Variants in SYMPK observed in about 807,000 individuals in gnomAD.
The protein encoded by SYMPK is symplekin scaffold protein, also known as symplekin.
SYMPK carries 49 observed loss-of-function variants against 136.4 expected under a neutral mutation model. The ratio of observed to expected loss-of-function variants is 0.36; its 90% CI spans 0.29 to 0.46. SYMPK has a LOEUF of 0.46. SYMPK is among the 20% of genes least tolerant of loss of function. The pLI, the probability that SYMPK is intolerant of heterozygous loss-of-function variation, is 1.00. For missense variants in SYMPK, 1,365 were observed against 1,690.0 expected (o/e 0.81, Z 3.37); for synonymous variants, 766 against 713.0 (o/e 1.07, Z -1.19).
At chr19:45,828,078 CA>C in intron 14 of SYMPK, 160 bp from the exon 15 acceptor site, 1 of 616,946 alleles carries the variant, frequency 1.6e-6, no homozygotes, top group Non-Finnish European at 2.9e-6. Context: ...GAACAGGGTT[CA>C]AAAGCTGGCG....
chr19:45,843,942 CAAAAAAAAAAAAAAAAA>C, intron 8 of SYMPK, 71 bp downstream of exon 8: 1 of 243,556 alleles, frequency 4.1e-6, no homozygotes, highest in South Asian at 9.0e-5. Context: ...GACTCTGTCT[CAAAAAAAAAAAAAAAAA>C]AAAAAAAAAA....
At chr19:45,854,055 T>C (rs11670136) in intron 3 of SYMPK, 120 bp downstream of exon 3, 346,272 of 946,680 alleles carry the variant, frequency 0.37, 66,450 homozygotes, top group East Asian at 0.6. Flanking sequence ...CACTGAGCAC[T>C]GTGGCCGGCA....
chr19:45,815,524 A>G lies in SYMPK; in HGVS notation c.*36T>C. On this transcript the variant is annotated 3_prime_UTR_variant, in exon 27 of 27. Transcript: ENST00000245934. ...AGCCCCGCCCCGTCCCCCAGCCCCGAGTCCCTGTCCCACCCCCTTTCCCCC... is the reference window on the plus strand; with the variant it reads ...AGCCCCGCCCCGTCCCCCAGCCCCGGGTCCCTGTCCCACCCCCTTTCCCCC... 1 of 814,526 alleles carries G rather than the reference A, an allele frequency of 1.2e-6. No homozygotes were observed. Among genetic ancestry groups the G allele is most frequent in the Non-Finnish European group, 1.8e-6 (1 of 558,950 alleles). 50.5% of individuals were successfully genotyped at this position (814,526 alleles called of 1,614,324 possible).
intron 23 of SYMPK, 111 bp downstream of exon 23, chr19:45,817,848 C>G (rs1430125571): frequency 2.6e-6 from 3 of 1,141,454 alleles, no homozygotes; most frequent in Non-Finnish European, 3.7e-6. Flanking sequence ...CAGAGCAGAG[C>G]CTGCTGTCCT....
rs114061915 is a variant in SYMPK at position 45,842,633 on chromosome 19, T to C, written c.848-144A>G. On this transcript the variant is annotated intron_variant, in intron 8 of 26. Coordinates refer to ENST00000245934, the MANE Select transcript of SYMPK (RefSeq NM_004819.3). ...TCACCCTCAGATCTAACGTGTGGCT[T>C]TCCGCCTTACAAGCTGATGCTTCAA... The C allele has an allele frequency of 5.7e-3, 6,470 of 1,142,482 alleles. 266 individuals carry two copies. The African/African-American group carries it at 0.087, about 15-fold the overall frequency. The allele number at this position is 1,142,482 out of a possible 1,614,324, so 70.8% of individuals were successfully genotyped here.
chr19:45,842,678 G>T, intron 8 of SYMPK, 189 bp from the exon 9 acceptor site: 1 of 674,762 alleles, frequency 1.5e-6, no homozygotes, highest in Non-Finnish European at 2.4e-6. Context: ...GTCTCCATCA[G>T]TATCAGTCAA....
In SYMPK at chr19:45,821,728, G is replaced by A. The variant is rs77063121; in HGVS notation, c.2792-243C>T. 0.011 allele frequency among the ~76,000 whole-genome samples: 1,690 copies of A among 152,346 alleles called. 19 individuals carry two copies. Among genetic ancestry groups the A allele is most frequent in the Non-Finnish European group, 0.018 (1,236 of 68,022 alleles). On this transcript the variant is annotated intron_variant, in intron 21 of 26. Transcript: ENST00000245934. The surrounding 1 kb of genome is among the most constrained non-coding windows in gnomAD (Gnocchi z 4.4). ...ATCCTGGGCTCCCACCCTGGGTAGC[G>A]TGTGGCACGGCTGGGTCTCTCTGCC...
chr19:45,819,767 T>C (rs1024220930), intron 22 of SYMPK: 1 of 152,578 alleles, frequency 6.6e-6, no homozygotes, highest in South Asian at 2.1e-4. Flanking sequence ...GGTCTAGTTA[T>C]AGACAAGCTC....
chr19:45,849,417 AT>A (rs1971645584), intron 5 of SYMPK, among the ~76,000 whole-genome samples: 2 of 152,202 alleles, frequency 1.3e-5, no homozygotes, highest in Non-Finnish European at 2.9e-5. Context: ...CAGCAGGGTC[AT>A]TTTCATTGAA....
chr19:45,842,617 G>A, intron 8 of SYMPK, 128 bp from the exon 9 acceptor site: 1 of 1,340,482 alleles, frequency 7.5e-7, no homozygotes, highest in Non-Finnish European at 1.0e-6. Flanking sequence ...TTCACCCTCA[G>A]ATCTAACGTG....
intron 9 of SYMPK, among the ~76,000 whole-genome samples, chr19:45,840,780 C>T (rs1971416408): frequency 6.6e-6 from 1 of 151,378 alleles, no homozygotes; most frequent in South Asian, 2.1e-4. Context: ...GAGACAGAGG[C>T]TGCAGTGAGC....
chr19:45,832,255 C>A (rs1447909501), intron 11 of SYMPK, among the ~76,000 whole-genome samples: 1 of 152,186 alleles, frequency 6.6e-6, no homozygotes, highest in East Asian at 1.9e-4. Context: ...CATTTTCCCA[C>A]CTCAGCTTCT....
chr19:45,823,558 G>A (rs2146304927), intron 19 of SYMPK, 86 bp from the exon 20 acceptor site: 1 of 1,325,206 alleles, frequency 7.5e-7, no homozygotes, highest in Non-Finnish European at 1.1e-6. Context: ...AAGCAGGCAG[G>A]TGTGCAGGAA....
chr19:45,846,116 G>C (rs917739756), intron 7 of SYMPK, among the ~76,000 whole-genome samples: 1 of 152,162 alleles, frequency 6.6e-6, no homozygotes, highest in Non-Finnish European at 1.5e-5. Context: ...GGCACCTGTG[G>C]TCCCAGCTAC....
intron 11 of SYMPK, 23 bp downstream of exon 11, chr19:45,835,055 G>A (rs200247244): frequency 1.3e-6 from 2 of 1,522,740 alleles, no homozygotes; most frequent in East Asian, 4.6e-5. Flanking sequence ...CCCTGGCCCA[G>A]GTTAGGGCCA....
intron 11 of SYMPK, among the ~76,000 whole-genome samples, chr19:45,833,133 A>G (rs1312732648): frequency 6.6e-6 from 1 of 151,586 alleles, no homozygotes; most frequent in Non-Finnish European, 1.5e-5. Context: ...AATCCAGGAG[A>G]CAGAGGTTGC....
At position 45,821,097 on chromosome 19, in the gene SYMPK, G is replaced by A; in HGVS notation, c.2893+287C>T. 1 of 665,302 alleles carries A rather than the reference G, an allele frequency of 1.5e-6. No individual in the cohort carries two copies. The allele number at this position is 665,302 out of a possible 1,614,324, so 41.2% of individuals were successfully genotyped here. ...GGGCTAGGGGTGGGGCTACCCAACT[G>A]CTTTAGGCCCACTCTGTGCCAGGGC... is the stretch of plus-strand genomic sequence containing the variant. On this transcript the variant is annotated intron_variant, in intron 22 of 26. Transcript: ENST00000245934. The surrounding 1 kb of genome is among the most constrained non-coding windows in gnomAD (Gnocchi z 4.4).
chr19:45,816,205 C>G (rs914877072), intron 25 of SYMPK, 22 bp from the exon 26 acceptor site: 1 of 1,473,440 alleles, frequency 6.8e-7, no homozygotes, highest in Admixed American at 2.2e-5. Flanking sequence ...GAGGGCCACA[C>G]AGAAGCTCAG....
At chr19:45,827,465 C>T in intron 16 of SYMPK, 45 bp downstream of exon 16, 1 of 1,479,652 alleles carries the variant, frequency 6.8e-7, no homozygotes, top group Non-Finnish European at 9.4e-7. Context: ...GCGGCCTCTG[C>T]AAGCTGCAGG....
Sources: gnomAD v4.1 joint callset for allele counts (sites outside exome capture counted in the v4.1 genomes callset) on GRCh38, gnomAD v4.1.1 for gene constraint, Gnocchi (gnomAD v3.1) non-coding constraint, MANE v1.5 for transcripts, NCBI Gene and HGNC (gene_info 2026-07-23, HGNC 2026-07-21) for gene names.